Variants in MRPL1 observed in about 807,000 individuals in gnomAD.
MRPL1 encodes large ribosomal subunit protein uL1m.
Under a neutral mutation model 38.0 loss-of-function variants are expected in MRPL1, and 28 were observed. That is an observed-to-expected ratio of 0.74 (90% CI 0.55 to 1.01). MRPL1 has a LOEUF of 1.01. Ranked by LOEUF, MRPL1 falls within the 50% of genes least tolerant of loss-of-function variation. The pLI, the probability that MRPL1 is intolerant of heterozygous loss-of-function variation, is 0.00. For synonymous variants in MRPL1, 123 were observed against 126.7 expected, an observed-to-expected ratio of 0.97 and a Z score of 0.20; for missense variants, 358 against 389.8, an observed-to-expected ratio of 0.92 and a Z score of 0.69.
intron 6 of MRPL1, among the ~76,000 whole-genome samples, chr4:77,908,932 A>G (rs1322825761): frequency 6.6e-6 from 1 of 152,204 alleles, no homozygotes; most frequent in Non-Finnish European, 1.5e-5. Context: ...CTCTCAGCTT[A>G]TTGCCCTGTG....
chr4:77,888,336 C>T (rs1397919917), intron 5 of MRPL1, among the ~76,000 whole-genome samples: 2 of 152,064 alleles, frequency 1.3e-5, no homozygotes, highest in African/African-American at 4.8e-5. Context: ...GAATCCCCAC[C>T]TCTACTAAAA....
chr4:77,892,930 A>G (rs935129918), intron 5 of MRPL1, among the ~76,000 whole-genome samples: 6 of 152,216 alleles, frequency 3.9e-5, no homozygotes, highest in African/African-American at 1.4e-4. Flanking sequence ...ATTTAGCAGA[A>G]TGCTTGGCAC....
chr4:77,891,419 G>C (rs1321233725), intron 5 of MRPL1, among the ~76,000 whole-genome samples: 1 of 149,636 alleles, frequency 6.7e-6, no homozygotes, highest in East Asian at 2.0e-4. Flanking sequence ...GCAGTGACGT[G>C]ATCTCGGCTC....
chr4:77,901,998 C>T (rs1736045866), intron 6 of MRPL1, among the ~76,000 whole-genome samples: 1 of 152,152 alleles, frequency 6.6e-6, no homozygotes, highest in East Asian at 1.9e-4. Context: ...ATTGAAGTGA[C>T]ACACGTATGT....
chr4:77,891,293 C>T (rs1735799155), intron 5 of MRPL1, among the ~76,000 whole-genome samples: 1 of 151,532 alleles, frequency 6.6e-6, no homozygotes, highest in Non-Finnish European at 1.5e-5. Flanking sequence ...CTTCTTGCAA[C>T]CACTAAAGTT....
At chr4:77,888,096 G>T (rs143666372) in intron 5 of MRPL1, among the ~76,000 whole-genome samples, 1 of 152,124 alleles carries the variant, frequency 6.6e-6, no homozygotes, top group Non-Finnish European at 1.5e-5. Flanking sequence ...TATGGTATCT[G>T]CCCTCTATAA....
intron 6 of MRPL1, among the ~76,000 whole-genome samples, chr4:77,900,899 G>A (rs555542500): frequency 3.1e-4 from 47 of 152,132 alleles, no homozygotes; most frequent in African/African-American, 1.1e-3. Context: ...AGATGAAGAA[G>A]GAAAGAGTCT....
chr4:77,893,380 G>T (rs1735846425), intron 5 of MRPL1, among the ~76,000 whole-genome samples: 1 of 151,848 alleles, frequency 6.6e-6, no homozygotes, highest in African/African-American at 2.4e-5. Context: ...GCCTCCCAAA[G>T]TGCTGGGATT....
In MRPL1 at chr4:77,871,900, A is replaced by AT. The variant is rs751160472; in HGVS notation, c.143+53dup. ...TATTATTTCATTTGTTGTCATTTTAATTTTTTTTAAAAAGCATGTTTAGTT... is the reference window on the plus strand; with the variant it reads ...TATTATTTCATTTGTTGTCATTTTAATTTTTTTTTAAAAAGCATGTTTAGTT... On this transcript the variant is annotated intron_variant, in intron 2 of 8. Coordinates refer to ENST00000315567, the MANE Select transcript of MRPL1 (RefSeq NM_020236.4). 56 of 1,305,596 alleles carry AT rather than the reference A, an allele frequency of 4.3e-5. No individual in the cohort carries two copies. The East Asian group carries it at 5.2e-4, about 12-fold the overall frequency. 80.9% of individuals were successfully genotyped at this position (1,305,596 alleles called of 1,614,324 possible).
chr4:77,867,186 A>G (rs1735166353), intron 1 of MRPL1, among the ~76,000 whole-genome samples: 1 of 152,078 alleles, frequency 6.6e-6, no homozygotes, highest in South Asian at 2.1e-4. Flanking sequence ...CCCCCTCTAG[A>G]CATAAGCCCT....
At chr4:77,900,283 A>G (rs563731179) in intron 6 of MRPL1, among the ~76,000 whole-genome samples, 11 of 152,190 alleles carry the variant, frequency 7.2e-5, no homozygotes, top group Non-Finnish European at 1.5e-4. Flanking sequence ...AGCTGACTAC[A>G]CTTAGTACTG....
At chr4:77,924,509 A>G (rs1225575847) in intron 7 of MRPL1, among the ~76,000 whole-genome samples, 1 of 152,082 alleles carries the variant, frequency 6.6e-6, no homozygotes, top group South Asian at 2.1e-4. Context: ...CTCAAATACC[A>G]CATTTTAGAG....
intron 8 of MRPL1, among the ~76,000 whole-genome samples, chr4:77,950,318 T>G (rs1219090598): frequency 6.6e-6 from 1 of 152,234 alleles, no homozygotes; most frequent in Admixed American, 6.5e-5. Context: ...CATTTTATTA[T>G]GTCATGAGAG....
intron 7 of MRPL1, among the ~76,000 whole-genome samples, chr4:77,930,212 ATGT>A (rs1384780558): frequency 1.3e-5 from 2 of 152,116 alleles, no homozygotes; most frequent in African/African-American, 4.8e-5. Flanking sequence ...AGTGGAAATC[ATGT>A]CTCCTTGTAG....
intron 8 of MRPL1, among the ~76,000 whole-genome samples, chr4:77,951,804 T>G (rs1737417387): frequency 6.6e-6 from 1 of 152,152 alleles, no homozygotes; most frequent in Non-Finnish European, 1.5e-5. Context: ...CGGTGTGAGT[T>G]AGTGTGTGGG....
At chr4:77,914,152 G>A (rs1578052359) in intron 7 of MRPL1, among the ~76,000 whole-genome samples, 1 of 152,234 alleles carries the variant, frequency 6.6e-6, no homozygotes, top group East Asian at 1.9e-4. Flanking sequence ...AATAAACTAA[G>A]GATACATGGT....
At chr4:77,913,395 G>T (rs918710458) in intron 7 of MRPL1, among the ~76,000 whole-genome samples, 4 of 152,126 alleles carry the variant, frequency 2.6e-5, no homozygotes, top group African/African-American at 9.7e-5. Context: ...CACATGGAAA[G>T]ATGCTCAGCA....
At chr4:77,920,826 G>A (rs1256877098) in intron 7 of MRPL1, among the ~76,000 whole-genome samples, 1 of 151,980 alleles carries the variant, frequency 6.6e-6, no homozygotes, top group Non-Finnish European at 1.5e-5. Flanking sequence ...CAAGTGGCAC[G>A]AACTTGACTC....
At chr4:77,870,792 A>C (rs764051172) in intron 1 of MRPL1, among the ~76,000 whole-genome samples, 3 of 152,178 alleles carry the variant, frequency 2.0e-5, no homozygotes, top group Non-Finnish European at 4.4e-5. Flanking sequence ...TTACACACGC[A>C]AAAGAATATA....
Sources: gnomAD v4.1 joint callset for allele counts (sites outside exome capture counted in the v4.1 genomes callset) on GRCh38, gnomAD v4.1.1 for gene constraint, MANE v1.5 for transcripts, NCBI Gene and HGNC (gene_info 2026-07-23, HGNC 2026-07-21) for gene names.